The following GNL3L variants were observed in gnomAD, a reference collection of about 807,000 sequenced individuals.
The protein encoded by GNL3L is guanine nucleotide-binding protein-like 3-like protein.
In GNL3L, 4 loss-of-function variants were observed where a neutral mutation model predicts 42.9. That is an observed-to-expected ratio of 0.09 (90% CI 0.05 to 0.21). The LOEUF (loss-of-function observed/expected upper bound fraction) is 0.21. Ranked by LOEUF, GNL3L falls within the 10% of genes least tolerant of loss-of-function variation. GNL3L has a pLI of 1.00. For missense variants in GNL3L, 412 were observed against 481.7 expected, an observed-to-expected ratio of 0.86 and a Z score of 1.36; for synonymous variants, 159 against 176.3, an observed-to-expected ratio of 0.90 and a Z score of 0.78.
At chrX:54,539,292 C>T (rs1375675671) in intron 3 of GNL3L, among the ~76,000 whole-genome samples, 191 bp downstream of exon 3, 1 of 111,421 alleles carries the variant, frequency 9.0e-6, no homozygotes, top group Non-Finnish European at 1.9e-5. Flanking sequence ...TCATATGCAG[C>T]TTCGTGCTTG....
intron 9 of GNL3L, among the ~76,000 whole-genome samples, chrX:54,548,860 G>C (rs756088734): frequency 9.0e-6 from 1 of 111,435 alleles, no homozygotes; most frequent in Admixed American, 9.6e-5. Flanking sequence ...ATTGGAGAGA[G>C]AGCTAGACAC....
chrX:54,549,239 T>G (rs925255249), intron 9 of GNL3L, among the ~76,000 whole-genome samples: 1 of 111,329 alleles, frequency 9.0e-6, no homozygotes, highest in African/African-American at 3.3e-5. Context: ...ACATAGCTCT[T>G]AAGTACACAT....
downstream of GNL3L, among the ~76,000 whole-genome samples, chrX:54,624,683 C>T (rs926173245): frequency 2.7e-5 from 3 of 109,643 alleles, no homozygotes; most frequent in African/African-American, 6.7e-5. Flanking sequence ...TCAGGTGATC[C>T]GCCTGCCTCG....
At chrX:54,645,497 G>A in the GNL3L span, among the ~76,000 whole-genome samples, 1 of 112,057 alleles carries the variant, frequency 8.9e-6, no homozygotes, top group Non-Finnish European at 1.9e-5. Context: ...TGAATTATGT[G>A]TATTTCCTAA....
At chrX:54,622,273 A>ATT (rs773487259), downstream of GNL3L, among the ~76,000 whole-genome samples, 604 of 59,016 alleles carry the variant, frequency 0.01, 95 homozygotes, top group African/African-American at 0.042. Flanking sequence ...AGTTGCAGGA[A>ATT]TTTTTTTTTT....
At chrX:54,641,606 A>C in the GNL3L span, among the ~76,000 whole-genome samples, 3 of 112,125 alleles carry the variant, frequency 2.7e-5, no homozygotes, top group Non-Finnish European at 5.6e-5. Context: ...CAAATGATCA[A>C]GCAAGGACTA....
intron 16 of GNL3L, among the ~76,000 whole-genome samples, chrX:54,587,481 T>G (rs929187785): frequency 1.8e-5 from 2 of 111,119 alleles, no homozygotes; most frequent in Admixed American, 9.6e-5. Context: ...ACCTGTGTAT[T>G]AATTTGAGAT....
At position 54,590,797 on chromosome X, in the gene GNL3L, T is replaced by G. The variant is rs777382302; in HGVS notation, c.*46-30048T>G. ...TATTTATTTATTTAGGTCTTAGATTTATTTATTTATTTATTTATTTATTCA... is the reference window on the plus strand; with the variant it reads ...TATTTATTTATTTAGGTCTTAGATTGATTTATTTATTTATTTATTTATTCA... On this transcript the variant is annotated intron_variant, in intron 16 of 16. Coordinates refer to the GNL3L transcript ENST00000674498. 1.2e-4 allele frequency among the ~76,000 whole-genome samples: 13 copies of G among 109,403 alleles called. No individual in the cohort carries two copies. The South Asian group carries it at 3.0e-3, about 25-fold the overall frequency.
chrX:54,619,008 C>G (rs1256119662), intron 16 of GNL3L, among the ~76,000 whole-genome samples: 2 of 111,639 alleles, frequency 1.8e-5, no homozygotes, highest in African/African-American at 3.3e-5. Flanking sequence ...TTGCTAAAAC[C>G]TAGGGTTAGT....
rs954234124 is a variant in GNL3L at position 54,564,293 on chromosome X, A to G, written c.*3691A>G. Among the ~76,000 whole-genome samples, 1 of 111,015 alleles carries G rather than the reference A, an allele frequency of 9.0e-6. No individual in the cohort carries two copies. The highest frequency in any genetic ancestry group is 3.3e-5 in the African/African-American group (1 of 30,494). ...GTAACCACCAATGCAACCAAGGTAC[A>G]GAACAGTCCTCTTAGCCTCTCCCTA... On this transcript the variant is annotated 3_prime_UTR_variant, in exon 16 of 16. Transcript: ENST00000360845.
At chrX:54,568,327 G>A (rs1925491959), downstream of GNL3L, among the ~76,000 whole-genome samples, 1 of 111,325 alleles carries the variant, frequency 9.0e-6, no homozygotes, top group Non-Finnish European at 1.9e-5. Flanking sequence ...TAAAAAATTA[G>A]CACAGACTTT....
At chrX:54,593,944 C>G (rs763757074) in intron 16 of GNL3L, among the ~76,000 whole-genome samples, 5 of 111,183 alleles carry the variant, frequency 4.5e-5, no homozygotes, top group Non-Finnish European at 9.4e-5. Flanking sequence ...TAGTTTTATT[C>G]CATTGTGGTC....
rs200852606 is a variant in GNL3L, at chrX:54,551,840, C to T, written c.1047C>T (p.Asn349=). The change falls in exon 12 of 16, where the codon AAC becomes AAT. Residue 349 remains asparagine (N), a synonymous_variant. Transcript: ENST00000360845. ...LQRCNLEEIS[N]YYGVSGFQTT... is the part of the protein sequence containing the mutation. ...CTTCCTCCCTTCACCAGATTTCCAA[C>T]TATTATGGCGTCTCTGGGTTCCAGA... 33 of 1,210,401 alleles carry T rather than the reference C, an allele frequency of 2.7e-5. No homozygotes were observed. The Admixed American group carries it at 5.2e-4, about 19-fold the overall frequency.
chrX:54,609,898 A>G lies in GNL3L; in HGVS notation c.*46-10947A>G, dbSNP rs766286454. 4.5e-5 allele frequency among the ~76,000 whole-genome samples: 5 copies of G among 111,056 alleles called. No individual in the cohort carries two copies. The East Asian group carries it at 1.4e-3, about 31-fold the overall frequency. On this transcript the variant is annotated intron_variant, in intron 16 of 16. Transcript: ENST00000674498. ...TAATTCTGTGTGGAATGATGGTGGT[A>G]TTTTGATGGGATTGTGTTGAATTTG...
At chrX:54,576,169 T>C (rs2147511796) in intron 16 of GNL3L, among the ~76,000 whole-genome samples, 1 of 112,124 alleles carries the variant, frequency 8.9e-6, no homozygotes, top group South Asian at 3.7e-4. Context: ...TCCTTTCAAT[T>C]CTGTCAGTTT....
intron 2 of GNL3L, among the ~76,000 whole-genome samples, chrX:54,534,614 G>A (rs912816056): frequency 9.0e-6 from 1 of 111,476 alleles, no homozygotes; most frequent in Non-Finnish European, 1.9e-5. Flanking sequence ...ATGCATTGAG[G>A]CTCAGAGAGG....
intron 14 of GNL3L, among the ~76,000 whole-genome samples, chrX:54,557,335 C>T (rs1349962861): frequency 1.8e-5 from 2 of 110,659 alleles, no homozygotes; most frequent in African/African-American, 3.3e-5. Flanking sequence ...GTGATCTTGG[C>T]TCACTGCAGC....
chrX:54,610,253 G>A lies in GNL3L; in HGVS notation c.*46-10592G>A, dbSNP rs369204166. Among the ~76,000 whole-genome samples, 18 of 111,401 alleles carry A rather than the reference G, an allele frequency of 1.6e-4. No individual in the cohort carries two copies. In the East Asian group the frequency reaches 5.1e-3, roughly 31 times the overall value. ...TATCAGTTCTAGGAGCTTTCTGGAG[G>A]AGTCCTTAGGGTTTTCAAGGTAAAC... On this transcript the variant is annotated intron_variant, in intron 16 of 16. Coordinates refer to the GNL3L transcript ENST00000674498.
At chrX:54,619,954 A>C (rs1027999781) in intron 16 of GNL3L, among the ~76,000 whole-genome samples, 1 of 111,346 alleles carries the variant, frequency 9.0e-6, no homozygotes, top group Non-Finnish European at 1.9e-5. Flanking sequence ...TATTTGAAAT[A>C]TGTCTGCCTG....
Sources: gnomAD v4.1 joint callset for allele counts (sites outside exome capture counted in the v4.1 genomes callset) on GRCh38, gnomAD v4.1.1 for gene constraint, MANE v1.5 for transcripts, NCBI Gene and HGNC (gene_info 2026-07-23, HGNC 2026-07-21) for gene names.